EML6: variants seen among roughly 807,000 people sequenced by gnomAD.
The protein encoded by EML6 is echinoderm microtubule-associated protein-like 6.
A neutral mutation model predicts 240.1 loss-of-function variants in EML6; 154 were observed. That is an observed-to-expected ratio of 0.64 (90% CI 0.56 to 0.73). The LOEUF is 0.73. EML6 is among the 30% of genes least tolerant of loss of function. The pLI, the probability that EML6 is intolerant of heterozygous loss-of-function variation, is 0.00. For missense variants in EML6, 2,964 were observed against 2,474.6 expected, an observed-to-expected ratio of 1.20 and a Z score of -4.20; for synonymous variants, 1,148 against 899.0, an observed-to-expected ratio of 1.28 and a Z score of -4.95.
At chr2:54,833,815 C>A (rs866381876) in intron 7 of EML6, among the ~76,000 whole-genome samples, 1 of 152,202 alleles carries the variant, frequency 6.6e-6, no homozygotes, top group African/African-American at 2.4e-5. Context: ...CAACCTAATT[C>A]ACCCAGGATC....
intron 28 of EML6, among the ~76,000 whole-genome samples, chr2:54,944,453 C>G (rs931118690): frequency 1.3e-5 from 2 of 152,136 alleles, no homozygotes; most frequent in Non-Finnish European, 2.9e-5. Context: ...GTTTTCTTCT[C>G]CATAACCACT....
chr2:54,920,287 C>CA (rs1306695750), intron 26 of EML6, among the ~76,000 whole-genome samples: 3 of 150,678 alleles, frequency 2.0e-5, no homozygotes, highest in Admixed American at 6.6e-5. Flanking sequence ...CTAGACTAGC[C>CA]AAAAAAAGGA....
At chr2:54,838,583 C>T (rs1256470851) in intron 7 of EML6, among the ~76,000 whole-genome samples, 1 of 152,188 alleles carries the variant, frequency 6.6e-6, no homozygotes, top group Non-Finnish European at 1.5e-5. Context: ...TAGATCTCCC[C>T]ATGGCCAGGC....
rs1322290638 is a variant in EML6 at position 54,847,420 on chromosome 2, C to T, written c.1050-66C>T. 46 of 1,516,702 alleles carry T rather than the reference C, an allele frequency of 3.0e-5. 1 individual carries two copies. In the South Asian group the frequency reaches 5.4e-4, roughly 18 times the overall value. The allele number at this position is 1,516,702 out of a possible 1,614,324, so 94.0% of individuals were successfully genotyped here. On this transcript the variant is annotated intron_variant, in intron 8 of 41. Transcript: ENST00000356458. ...TTGGTGTGGTGAGCAGCCCTTCTTG[C>T]CTTGGGCTGGCCGATGACCATGGGA... is the stretch of plus-strand genomic sequence containing the variant.
intron 7 of EML6, among the ~76,000 whole-genome samples, chr2:54,838,688 T>C (rs1000181523): frequency 2.6e-5 from 4 of 152,196 alleles, no homozygotes; most frequent in African/African-American, 7.2e-5. Flanking sequence ...GATTTGGTCT[T>C]GGCATAAGAG....
At chr2:54,808,357 T>G (rs979952433) in intron 2 of EML6, among the ~76,000 whole-genome samples, 2 of 152,064 alleles carry the variant, frequency 1.3e-5, no homozygotes, top group Admixed American at 1.3e-4. Flanking sequence ...GTTGGGTCAC[T>G]CCCCCTTCAA....
intron 17 of EML6, among the ~76,000 whole-genome samples, chr2:54,886,160 C>CTTTTTTTTTTTTTTT (rs869107962): frequency 1.2e-5 from 1 of 82,216 alleles, no homozygotes; most frequent in Non-Finnish European, 2.4e-5. Flanking sequence ...TTTTAACCTT[C>CTTTTTTTTTTTTTTT]TTTTTTTTTT....
chr2:54,936,906 G>C (rs987056206), intron 28 of EML6, among the ~76,000 whole-genome samples: 1 of 151,106 alleles, frequency 6.6e-6, no homozygotes, highest in South Asian at 2.1e-4. Context: ...TCCTTCCGCA[G>C]TAGACTTTGG....
rs754366105 is a variant in EML6 at position 54,891,101 on chromosome 2, T to C, written c.2486T>C (p.Val829Ala). 9 of 1,511,718 alleles carry C rather than the reference T, an allele frequency of 6.0e-6. No individual in the cohort carries two copies. Among genetic ancestry groups the C allele is most frequent in the East Asian group, 2.5e-5 (1 of 40,374 alleles). 93.6% of individuals were successfully genotyped at this position (1,511,718 alleles called of 1,614,324 possible). ...GTGGTAAAGTGTAACCCACACCATG[T>C]TGACAAACTGGTTACAGTTGGGATA... ...IFVVKCNPHH[V>A]DKLVTVGIKH... Residue 829 changes from valine (V) to alanine (A), a missense_variant, in exon 18 of 42, where the codon GTT becomes GCT. Coordinates refer to ENST00000356458, the MANE Select transcript of EML6 (RefSeq NM_001039753.4).
Position 54,925,844 on chromosome 2 carries a change from C to G in EML6, c.3676-2469C>G, listed in dbSNP as rs78443085. Among the ~76,000 whole-genome samples, 821 of 152,290 alleles carry G rather than the reference C, an allele frequency of 5.4e-3. 15 individuals are homozygous for G. Among genetic ancestry groups the G allele is most frequent in the African/African-American group, 0.018 (766 of 41,564 alleles). ...GCCTCCCTTCCCTTCCGAACCTAGA[C>G]CCTTTTGCTAAATGGAGAGGCTAAA... On this transcript the variant is annotated intron_variant, in intron 26 of 41. Coordinates refer to ENST00000356458, the MANE Select transcript of EML6 (RefSeq NM_001039753.4).
chr2:54,900,901 C>T (rs945575670), intron 22 of EML6, among the ~76,000 whole-genome samples: 3 of 152,058 alleles, frequency 2.0e-5, no homozygotes, highest in East Asian at 1.9e-4. Flanking sequence ...AGAGAGGTGA[C>T]GAGCTGAGGC....
intron 16 of EML6, among the ~76,000 whole-genome samples, chr2:54,873,468 G>A (rs147548233): frequency 6.6e-5 from 10 of 152,274 alleles, no homozygotes; most frequent in African/African-American, 2.4e-4. Flanking sequence ...CCAAACTCCC[G>A]GAAGTGTGAT....
At chr2:54,965,471 G>C (rs1347867609) in intron 38 of EML6, among the ~76,000 whole-genome samples, 2 of 152,210 alleles carry the variant, frequency 1.3e-5, no homozygotes, top group Non-Finnish European at 2.9e-5. Context: ...AATTGCAATA[G>C]AGAAAGAGTA....
Position 54,959,231 on chromosome 2 carries a change from G to A in EML6, c.4823G>A (p.Gly1608Glu). 1 of 1,546,082 alleles carries A rather than the reference G, an allele frequency of 6.5e-7. No homozygotes were observed. ...VFTMYTTLRD[G>E]LIVTGGKERP... ...ACAATGTACACAACCCTTCGGGATG[G>A]ACTCATAGTGACCGGCGGAAAAGAG... The change falls in exon 34 of 42, where the codon GGA becomes GAA. Residue 1608 changes from glycine to glutamate, a missense_variant. By Grantham distance (98) the Gly-to-Glu change is moderately conservative. Coordinates refer to ENST00000356458, the MANE Select transcript of EML6 (RefSeq NM_001039753.4).
At chr2:54,857,911 A>G (rs923945353) in intron 11 of EML6, among the ~76,000 whole-genome samples, 4 of 152,364 alleles carry the variant, frequency 2.6e-5, no homozygotes, top group Middle Eastern at 3.4e-3. Context: ...TAATGACATT[A>G]ATGCTTTTGC....
At chr2:54,846,403 A>G (rs1007595102) in intron 8 of EML6, among the ~76,000 whole-genome samples, 2 of 151,536 alleles carry the variant, frequency 1.3e-5, no homozygotes, top group Admixed American at 1.3e-4. Flanking sequence ...ATAGATATAT[A>G]TTTATATTGA....
At chr2:54,734,515 C>G (rs897249301) in intron 2 of EML6, among the ~76,000 whole-genome samples, 1 of 152,122 alleles carries the variant, frequency 6.6e-6, no homozygotes, top group Non-Finnish European at 1.5e-5. Flanking sequence ...GGTTTTTTAT[C>G]CCCTGCTGGT....
chr2:54,769,369 C>T (rs890297585), intron 2 of EML6, among the ~76,000 whole-genome samples: 2 of 152,144 alleles, frequency 1.3e-5, no homozygotes, highest in African/African-American at 4.8e-5. Context: ...TAATACCATG[C>T]ACCTGATCTA....
chr2:54,865,670 A>G (rs1457040259), intron 13 of EML6, among the ~76,000 whole-genome samples: 1 of 152,208 alleles, frequency 6.6e-6, no homozygotes, highest in African/African-American at 2.4e-5. Flanking sequence ...GTATAATGCA[A>G]ATATTCCAAG....
Sources: gnomAD v4.1 joint callset for allele counts (sites outside exome capture counted in the v4.1 genomes callset) on GRCh38, gnomAD v4.1.1 for gene constraint, MANE v1.5 for transcripts, NCBI Gene and HGNC (gene_info 2026-07-23, HGNC 2026-07-21) for gene names.